Variants in EPB41L2 observed in about 807,000 individuals in gnomAD.
EPB41L2 encodes erythrocyte membrane protein band 4.1 like 2, also known as band 4.1-like protein 2.
Under a neutral mutation model 113.0 loss-of-function variants are expected in EPB41L2, and 43 were observed. That is an observed-to-expected ratio of 0.38 (90% CI 0.30 to 0.49). EPB41L2 has a LOEUF of 0.49. Among genes scored for constraint, EPB41L2 ranks in the 20% least tolerant of loss-of-function variants. The pLI is 0.95. For synonymous variants in EPB41L2, 442 were observed against 436.7 expected, an observed-to-expected ratio of 1.01 and a Z score of -0.15; for missense variants, 1,147 against 1,223.4, an observed-to-expected ratio of 0.94 and a Z score of 0.93.
At chr6:131,032,850 CA>C (rs928090981) in intron 1 of EPB41L2, among the ~76,000 whole-genome samples, 2 of 151,588 alleles carry the variant, frequency 1.3e-5, no homozygotes, top group African/African-American at 4.8e-5. Flanking sequence ...CTAACAATAA[CA>C]AAAAAAAATT....
chr6:130,993,601 A>G (rs1166567777), intron 1 of EPB41L2, among the ~76,000 whole-genome samples: 2 of 152,128 alleles, frequency 1.3e-5, no homozygotes, highest in African/African-American at 2.4e-5. Context: ...TAGTACCCAG[A>G]CGGCCTCCCT....
intron 13 of EPB41L2, 32 bp from the exon 14 acceptor site, chr6:130,878,282 A>G: frequency 1.3e-6 from 2 of 1,580,096 alleles, no homozygotes; most frequent in Non-Finnish European, 1.7e-6. Flanking sequence ...AAGGGGGGAA[A>G]AATCCAAAAG....
At chr6:130,867,717 A>C (rs1490909546) in intron 15 of EPB41L2, 136 bp from the exon 16 acceptor site, 2 of 1,160,066 alleles carry the variant, frequency 1.7e-6, no homozygotes, top group Non-Finnish European at 2.5e-6. Context: ...AAAAGCAAAC[A>C]ACCTAAAACA....
chr6:131,038,443 T>G (rs1793788083), intron 1 of EPB41L2, among the ~76,000 whole-genome samples: 1 of 152,220 alleles, frequency 6.6e-6, no homozygotes, highest in South Asian at 2.1e-4. Context: ...TAACTTTATT[T>G]ACTAGATATA....
At chr6:130,969,759 A>G (rs147834431) in intron 1 of EPB41L2, among the ~76,000 whole-genome samples, 23 of 152,330 alleles carry the variant, frequency 1.5e-4, no homozygotes, top group Non-Finnish European at 2.9e-4. Flanking sequence ...ATTGAAAGTT[A>G]TTACTCTTTA....
intron 8 of EPB41L2, among the ~76,000 whole-genome samples, chr6:130,896,182 T>A (rs1395467256): frequency 6.6e-6 from 1 of 152,236 alleles, no homozygotes; most frequent in Non-Finnish European, 1.5e-5. Flanking sequence ...TTTTTATAAA[T>A]AAAAGTATAG....
intron 1 of EPB41L2, among the ~76,000 whole-genome samples, chr6:131,010,010 A>T (rs2128724028): frequency 6.6e-6 from 1 of 152,370 alleles, no homozygotes; most frequent in Non-Finnish European, 1.5e-5. Flanking sequence ...AGTGATAAGC[A>T]CCAATGCTCT....
At chr6:130,933,272 T>A (rs886225450) in intron 3 of EPB41L2, among the ~76,000 whole-genome samples, 1 of 152,168 alleles carries the variant, frequency 6.6e-6, no homozygotes, top group Non-Finnish European at 1.5e-5. Context: ...ACAATCCGAG[T>A]CAATCTCTAT....
At chr6:130,856,891 T>A (rs1780407964) in intron 19 of EPB41L2, among the ~76,000 whole-genome samples, 1 of 152,228 alleles carries the variant, frequency 6.6e-6, no homozygotes, top group Non-Finnish European at 1.5e-5. Context: ...TATTTCAATT[T>A]TTTTTTTGGC....
At chr6:131,027,200 G>C (rs1028909239) in intron 1 of EPB41L2, among the ~76,000 whole-genome samples, 1 of 152,174 alleles carries the variant, frequency 6.6e-6, no homozygotes, top group African/African-American at 2.4e-5. Flanking sequence ...ATCTGTATCA[G>C]GGCTGGGTTT....
intron 1 of EPB41L2, among the ~76,000 whole-genome samples, chr6:130,996,835 C>A (rs1584383359): frequency 6.6e-6 from 1 of 152,104 alleles, no homozygotes. Flanking sequence ...GCTTTATTTG[C>A]ATTTTTCTGT....
intron 4 of EPB41L2, among the ~76,000 whole-genome samples, chr6:130,911,800 G>C (rs1036539131): frequency 2.0e-5 from 3 of 152,028 alleles, no homozygotes; most frequent in African/African-American, 7.2e-5. Context: ...ACTAACATAG[G>C]AGAAGTGCAA....
intron 1 of EPB41L2, among the ~76,000 whole-genome samples, chr6:130,969,524 A>C (rs1019724888): frequency 6.6e-6 from 1 of 152,224 alleles, no homozygotes; most frequent in Admixed American, 6.5e-5. Flanking sequence ...GTGACAACCA[A>C]TTAAATATTC....
intron 18 of EPB41L2, among the ~76,000 whole-genome samples, chr6:130,862,097 T>A (rs953213386): frequency 9.2e-5 from 14 of 152,150 alleles, no homozygotes. Context: ...GTATTTCAGA[T>A]TGTGTTTTTA....
chr6:130,923,098 G>A (rs1455922669), intron 4 of EPB41L2, among the ~76,000 whole-genome samples: 4 of 152,148 alleles, frequency 2.6e-5, no homozygotes, highest in East Asian at 1.9e-4. Context: ...CAGAAACCCA[G>A]GCCTTAATTC....
intron 1 of EPB41L2, among the ~76,000 whole-genome samples, chr6:131,043,891 T>C (rs373359715): frequency 9.9e-4 from 150 of 151,930 alleles, no homozygotes; most frequent in African/African-American, 3.4e-3. Context: ...GTGAAGTGAA[T>C]AGAGAGACAG....
intron 1 of EPB41L2, among the ~76,000 whole-genome samples, chr6:131,058,340 T>C (rs1797996171): frequency 6.6e-6 from 1 of 152,018 alleles, no homozygotes; most frequent in African/African-American, 2.4e-5. Context: ...ATTAATACTA[T>C]CCCAACACCA....
At chr6:130,961,059 G>T (rs138056571) in intron 1 of EPB41L2, among the ~76,000 whole-genome samples, 2 of 152,288 alleles carry the variant, frequency 1.3e-5, no homozygotes, top group African/African-American at 4.8e-5. Flanking sequence ...CAGGAGATTT[G>T]CCTGAGATGG....
chr6:130,966,208 G>A (rs1421168630), intron 1 of EPB41L2, among the ~76,000 whole-genome samples: 1 of 152,096 alleles, frequency 6.6e-6, no homozygotes, highest in South Asian at 2.1e-4. Context: ...ATGTAAAGGT[G>A]ACTCACTACA....
Sources: allele counts gnomAD v4.1 joint callset (sites outside exome capture counted in the v4.1 genomes callset), GRCh38; gene constraint gnomAD v4.1.1; transcripts MANE v1.5; gene names NCBI Gene and HGNC (gene_info 2026-07-23, HGNC 2026-07-21).